The following TTC39C variants were observed in gnomAD, a reference collection of about 807,000 sequenced individuals.
The protein encoded by TTC39C is tetratricopeptide repeat protein 39C.
In TTC39C, 33 loss-of-function variants were observed where a neutral mutation model predicts 76.3. The ratio of observed to expected loss-of-function variants is 0.43; its 90% CI spans 0.33 to 0.58. The LOEUF is 0.58. Among genes scored for constraint, TTC39C ranks in the 20% least tolerant of loss-of-function variants. The pLI is 0.04. For missense variants in TTC39C, 595 were observed against 701.4 expected (o/e 0.85, Z 1.71); for synonymous variants, 254 against 260.6 (o/e 0.97, Z 0.24).
chr18:24,111,462 A>C (rs899366126), intron 6 of TTC39C, among the ~76,000 whole-genome samples: 5 of 151,720 alleles, frequency 3.3e-5, no homozygotes, highest in Non-Finnish European at 7.4e-5. Context: ...CCAGCTACTT[A>C]GGAGGCTGAG....
rs148950333 is a variant in TTC39C, at chr18:24,033,749, C to T, written c.167+18711C>T. On this transcript the variant is annotated intron_variant, in intron 1 of 13. Transcript: ENST00000317571. The stretch of plus-strand genomic sequence containing the variant: ...AGGCCACAAATCATTATGTATGTAA[C>T]ATGATCAGTAGCCAATCGTGTGACT... Among the ~76,000 whole-genome samples, 4 of 152,358 alleles carry T rather than the reference C, an allele frequency of 2.6e-5. No individual in the cohort carries two copies. The East Asian group carries it at 7.7e-4, about 29-fold the overall frequency.
rs988228289 is a variant in TTC39C at position 24,014,756 on chromosome 18, C to T, written c.-116C>T. 8.6e-7 allele frequency: 1 copy of T among 1,157,592 alleles called. No individual in the cohort carries two copies. The highest frequency in any genetic ancestry group is 4.7e-5 in the Admixed American group (1 of 21,256). The allele number at this position is 1,157,592 out of a possible 1,614,324, so 71.7% of individuals were successfully genotyped here. A position where few individuals can be genotyped will look rare whatever the true frequency, so the allele number is the denominator to read the frequency against. ...CCTCCCGTCTTCTCCCCTCCCCTCC[C>T]CTCCCCTCCCGGCTCCGCTTGGCTC... On this transcript the variant is annotated 5_prime_UTR_variant, in exon 1 of 14. Transcript: ENST00000317571.
Position 24,046,451 on chromosome 18 carries a change from A to G in TTC39C, c.168-17689A>G, listed in dbSNP as rs183995208. 1.3e-3 allele frequency among the ~76,000 whole-genome samples: 204 copies of G among 152,012 alleles called. 4 individuals carry two copies. The highest frequency in any genetic ancestry group is 4.3e-3 in the African/African-American group (179 of 41,258). ...GGAAATGCAAGTTGAGAGTTTGTCT[A>G]TCTTGCTAATAGTCATAGATTTAGT... On this transcript the variant is annotated intron_variant, in intron 1 of 13. Transcript: ENST00000317571.
chr18:24,131,077 G>A (rs1015158176), intron 12 of TTC39C, among the ~76,000 whole-genome samples: 4 of 141,038 alleles, frequency 2.8e-5, no homozygotes, highest in Non-Finnish European at 6.0e-5. Context: ...ATAGTCAGGC[G>A]TGGCAGCATG....
intron 1 of TTC39C, among the ~76,000 whole-genome samples, chr18:24,033,126 GC>G (rs1051742987): frequency 3.3e-5 from 5 of 152,178 alleles, no homozygotes; most frequent in African/African-American, 1.2e-4. Context: ...GGTGGCACAT[GC>G]CTATAATCCC....
chr18:24,032,017 A>G (rs2083677640), intron 1 of TTC39C, among the ~76,000 whole-genome samples: 1 of 152,228 alleles, frequency 6.6e-6, no homozygotes, highest in Admixed American at 6.5e-5. Context: ...GGAAACATCA[A>G]GAGACAAGAT....
At chr18:24,080,296 C>T (rs564524208) in intron 4 of TTC39C, among the ~76,000 whole-genome samples, 31 of 152,230 alleles carry the variant, frequency 2.0e-4, no homozygotes, top group South Asian at 8.3e-4. Context: ...TTCATTCATT[C>T]GATGTATATT....
intron 1 of TTC39C, among the ~76,000 whole-genome samples, chr18:24,015,955 C>T (rs1167426858): frequency 1.6e-4 from 24 of 152,146 alleles, no homozygotes; most frequent in Admixed American, 1.6e-3. Context: ...CGTTGATTAG[C>T]AGCTTTCCCC....
At chr18:24,060,676 A>G (rs553049199) in intron 1 of TTC39C, among the ~76,000 whole-genome samples, 104 of 152,310 alleles carry the variant, frequency 6.8e-4, no homozygotes, top group African/African-American at 2.3e-3. Context: ...CTGGACTATA[A>G]GATTTAAAAG....
chr18:24,052,690 C>T (rs1289057136), intron 1 of TTC39C, among the ~76,000 whole-genome samples: 8 of 152,138 alleles, frequency 5.3e-5, no homozygotes, highest in Admixed American at 5.2e-4. Context: ...TGATTTCTTA[C>T]TCACCCTCCT....
chr18:24,014,931 A>AGCGGCAGCGGCG lies in TTC39C; in HGVS notation c.65_66insAGCGGCGGCGGC (p.Ala22_Ala25dup). On this transcript the variant is annotated inframe_insertion, in exon 1 of 14. Coordinates refer to ENST00000317571, the MANE Select transcript of TTC39C (RefSeq NM_001135993.2). Reference sequence around the variant, plus strand: ...GGGACGACGGAGACTCGGACGCGGCAGCGGCGGCGGCGGCGCCCCTGCAGG... The same window carrying AGCGGCAGCGGCG: ...GGGACGACGGAGACTCGGACGCGGCAGCGGCAGCGGCGGCGGCGGCGGCGGCGCCCCTGCAGG... The AGCGGCAGCGGCG allele has an allele frequency of 6.6e-7, 1 of 1,523,538 alleles. No individual in the cohort carries two copies. The highest frequency in any genetic ancestry group is 8.8e-7 in the Non-Finnish European group (1 of 1,135,544). 94.4% of individuals were successfully genotyped at this position (1,523,538 alleles called of 1,614,324 possible).
At chr18:24,128,007 C>T (rs1311493098) in intron 10 of TTC39C, among the ~76,000 whole-genome samples, 4 of 152,196 alleles carry the variant, frequency 2.6e-5, no homozygotes, top group East Asian at 3.8e-4. Flanking sequence ...CCTCCCTGCT[C>T]TTCTCCCTTG....
intron 1 of TTC39C, among the ~76,000 whole-genome samples, chr18:23,995,699 C>A (rs2083255692): frequency 6.6e-6 from 1 of 151,660 alleles, no homozygotes; most frequent in Non-Finnish European, 1.5e-5. Context: ...AAAACCCCAT[C>A]TCTGCCGGAA....
Position 23,995,150 on chromosome 18 carries a change from A to G in TTC39C, c.-17+2112A>G, listed in dbSNP as rs905368849. Among the ~76,000 whole-genome samples, 13 of 152,162 alleles carry G rather than the reference A, an allele frequency of 8.5e-5. No homozygotes were observed. The East Asian group carries it at 2.5e-3, about 29-fold the overall frequency. On this transcript the variant is annotated intron_variant, in intron 1 of 13. Coordinates refer to the TTC39C transcript ENST00000304621. ...CTCCTGACAAACACTAATCCCGATA[A>G]TTTTGTCATTTCAAGACTGTTAAAT...
intron 1 of TTC39C, among the ~76,000 whole-genome samples, chr18:23,999,172 C>T (rs1011080576): frequency 7.2e-5 from 11 of 152,228 alleles, no homozygotes; most frequent in African/African-American, 2.7e-4. Context: ...TTCCTCTCTT[C>T]CCTTTCCACC....
chr18:24,007,082 A>G (rs935615498), intron 1 of TTC39C, among the ~76,000 whole-genome samples: 3 of 152,196 alleles, frequency 2.0e-5, no homozygotes, highest in Admixed American at 6.5e-5. Context: ...TCCTTAAGTT[A>G]CTTTAGGGGA....
chr18:24,047,599 C>T (rs916140483), intron 1 of TTC39C, among the ~76,000 whole-genome samples: 1 of 151,990 alleles, frequency 6.6e-6, no homozygotes, highest in Non-Finnish European at 1.5e-5. Flanking sequence ...CCCTTTCTGT[C>T]TGCCTTCCTC....
At chr18:24,070,785 G>A (rs1368799649) in intron 4 of TTC39C, among the ~76,000 whole-genome samples, 2 of 152,022 alleles carry the variant, frequency 1.3e-5, no homozygotes, top group Non-Finnish European at 2.9e-5. Flanking sequence ...GGGGGTTGCA[G>A]TGAGCTGAGA....
At position 24,078,123 on chromosome 18, in the gene TTC39C, T is replaced by TA. The variant is rs1301623814; in HGVS notation, c.461-2455dup. Among the ~76,000 whole-genome samples the TA allele has an allele frequency of 3.3e-5, 5 of 152,238 alleles. No individual in the cohort carries two copies. In the South Asian group the frequency reaches 1.0e-3, roughly 32 times the overall value. ...ATTACTTTTATTATTTTAAAGTTAC[T>TA]AAAAAAACTTTGTAGATTAATTTGT... On this transcript the variant is annotated intron_variant, in intron 4 of 13. Transcript: ENST00000317571.
Sources: allele counts gnomAD v4.1 joint callset (sites outside exome capture counted in the v4.1 genomes callset), GRCh38; gene constraint gnomAD v4.1.1; transcripts MANE v1.5; gene names NCBI Gene and HGNC (gene_info 2026-07-23, HGNC 2026-07-21).